The following BSN variants were observed in gnomAD, a reference collection of about 807,000 sequenced individuals.
BSN encodes the protein protein bassoon.
BSN carries 57 observed loss-of-function variants against 264.8 expected under a neutral mutation model. The ratio of observed to expected loss-of-function variants is 0.22; its 90% CI spans 0.17 to 0.27. The LOEUF is 0.27. BSN is among the 10% of genes least tolerant of loss of function. The pLI, the probability that BSN is intolerant of heterozygous loss-of-function variation, is 1.00. For missense variants in BSN, 4,615 were observed against 5,232.5 expected (o/e 0.88, Z 3.64); for synonymous variants, 2,059 against 2,137.3 (o/e 0.96, Z 1.01).
intron 1 of BSN, among the ~76,000 whole-genome samples, chr3:49,568,536 T>A (rs2051772007): frequency 6.6e-6 from 1 of 152,246 alleles, no homozygotes; most frequent in African/African-American, 2.4e-5. Flanking sequence ...TGTTTACCTT[T>A]CTTTTTTATG....
intron 2 of BSN, among the ~76,000 whole-genome samples, chr3:49,637,306 C>T (rs1033244678): frequency 1.3e-5 from 2 of 152,148 alleles, no homozygotes; most frequent in African/African-American, 4.8e-5. Context: ...TCAGAGCTTC[C>T]TGACAGCCAT....
chr3:49,583,983 C>T (rs746871014), intron 1 of BSN, among the ~76,000 whole-genome samples: 11 of 152,172 alleles, frequency 7.2e-5, no homozygotes, highest in Non-Finnish European at 1.5e-4. Flanking sequence ...ACTCCATTCT[C>T]CTGCCTCAGC....
chr3:49,613,466 CCTGTT>C (rs2052228488), intron 1 of BSN, among the ~76,000 whole-genome samples: 1 of 151,468 alleles, frequency 6.6e-6, no homozygotes, highest in Non-Finnish European at 1.5e-5. Flanking sequence ...ATCCAGCCAA[CCTGTT>C]GTTCAAGTTT....
In BSN at chr3:49,653,157, C is replaced by A; in HGVS notation, c.3601C>A (p.Gln1201Lys). 4 of 1,612,630 alleles carry A rather than the reference C, an allele frequency of 2.5e-6. No homozygotes were observed. The highest frequency in any genetic ancestry group is 3.4e-6 in the Non-Finnish European group (4 of 1,179,784). Residue 1201 changes from glutamine to lysine, a missense_variant, in exon 5 of 12, where the codon CAG becomes AAG. By Grantham distance (53) the Gln-to-Lys change is moderately conservative (BLOSUM62 1). Coordinates refer to ENST00000296452, the MANE Select transcript of BSN (RefSeq NM_003458.4). This position sits in a 1 kb window ranked among gnomAD's most constrained non-coding sequence, Gnocchi z 6.3. The part of the protein sequence containing the change: ...MMRKAELLQR[Q>K]QGQAAGARGP... ...GCGCAAAGCTGAGCTGCTCCAGAGGCAGCAAGGCCAGGCAGCAGGGGCCCG... is the reference window on the plus strand; with the variant it reads ...GCGCAAAGCTGAGCTGCTCCAGAGGAAGCAAGGCCAGGCAGCAGGGGCCCG...
At chr3:49,560,198 T>G (rs1171590471) in intron 1 of BSN, among the ~76,000 whole-genome samples, 4 of 152,162 alleles carry the variant, frequency 2.6e-5, no homozygotes, top group African/African-American at 9.7e-5. Context: ...AGGTCCTGCA[T>G]TTCTGAATTG....
intron 1 of BSN, among the ~76,000 whole-genome samples, chr3:49,613,343 A>G (rs1392388995): frequency 4.0e-5 from 6 of 149,874 alleles, no homozygotes; most frequent in Non-Finnish European, 8.9e-5. Flanking sequence ...AGAGAGAGAG[A>G]GAGAGAAGGG....
chr3:49,605,596 A>T (rs2052121337), intron 1 of BSN, among the ~76,000 whole-genome samples: 1 of 26,544 alleles, frequency 3.8e-5, no homozygotes, highest in African/African-American at 1.6e-4. Flanking sequence ...ATTTATATAT[A>T]ATATATATTA....
chr3:49,658,136 C>T lies in BSN; in HGVS notation c.8580C>T (p.Ala2860=), dbSNP rs747505287. ...LSDPKPLSPT[A]EESAKERFSL... Reference sequence around the variant, plus strand: ...ACCCTAAGCCCCTCAGCCCCACCGCCGAAGAGTCTGCCAAAGAGAGATTCT... The same window carrying T: ...ACCCTAAGCCCCTCAGCCCCACCGCTGAAGAGTCTGCCAAAGAGAGATTCT... Residue 2860 remains alanine (A), a synonymous_variant, in exon 5 of 12, where the codon GCC becomes GCT. Coordinates refer to ENST00000296452, the MANE Select transcript of BSN (RefSeq NM_003458.4). 42 of 1,606,472 alleles carry T rather than the reference C, an allele frequency of 2.6e-5. No homozygotes were observed. The highest frequency in any genetic ancestry group is 6.7e-5 in the Admixed American group (4 of 59,282).
chr3:49,593,876 C>T (rs1214062913), intron 1 of BSN, among the ~76,000 whole-genome samples: 1 of 145,456 alleles, frequency 6.9e-6, no homozygotes, highest in African/African-American at 2.5e-5. Context: ...GATCTTGGCT[C>T]ACTGCAAACT....
intron 1 of BSN, among the ~76,000 whole-genome samples, chr3:49,563,942 G>A (rs1159272744): frequency 1.3e-5 from 2 of 152,090 alleles, no homozygotes. Context: ...CTCCAGCACC[G>A]CTGACTTATT....
chr3:49,566,438 G>A (rs1157734959), intron 1 of BSN, among the ~76,000 whole-genome samples: 3 of 151,990 alleles, frequency 2.0e-5, no homozygotes, highest in Non-Finnish European at 4.4e-5. Flanking sequence ...ACTTCCTATT[G>A]TATCCCAGAA....
At chr3:49,606,332 TA>T (rs2052152054) in intron 1 of BSN, among the ~76,000 whole-genome samples, 5 of 121,792 alleles carry the variant, frequency 4.1e-5, no homozygotes, top group African/African-American at 1.6e-4. Context: ...AAAATATATA[TA>T]TATTTTTGGC....
rs879118119 is a variant in BSN at position 49,671,153 on chromosome 3, CGTGCGT to C, written c.*3672_*3677del. 188 of 51,626 alleles carry C rather than the reference CGTGCGT, an allele frequency of 3.6e-3. No individual in the cohort carries two copies. In the South Asian group the frequency reaches 0.04, roughly 11 times the overall value. The allele number at this position is 51,626 out of a possible 1,614,324, so 3.2% of individuals were successfully genotyped here. A position where few individuals can be genotyped will look rare whatever the true frequency, so the allele number is the denominator to read the frequency against. ...GATCATGTGTGTATGTGCGTGCGTGCGTGCGTGTGTGTGTGTGTGTGTGTTTCTGCC... is the reference window on the plus strand; with the variant it reads ...GATCATGTGTGTATGTGCGTGCGTGCGTGTGTGTGTGTGTGTGTTTCTGCC... On this transcript the variant is annotated 3_prime_UTR_variant, in exon 12 of 12. Transcript: ENST00000296452. The surrounding 1 kb of genome is among the most constrained non-coding windows in gnomAD (Gnocchi z 4.1).
In BSN at chr3:49,663,799, C is replaced by G; in HGVS notation, c.11521C>G (p.Gln3841Glu). The G allele has an allele frequency of 6.2e-7, 1 of 1,614,164 alleles. No homozygotes were observed. Among genetic ancestry groups the G allele is most frequent in the Non-Finnish European group, 8.5e-7 (1 of 1,180,024 alleles). Reference sequence around the variant, plus strand: ...TTCTGTGTTGCAGCCACGGGCAGAACAGACAAATGGCTCTAAAGGGACAGC... The same window carrying G: ...TTCTGTGTTGCAGCCACGGGCAGAAGAGACAAATGGCTCTAAAGGGACAGC... The part of the protein sequence containing the change: ...PQPAGPPRAE[Q>E]TNGSKGTAKA... The change falls in exon 8 of 12, where the codon CAG becomes GAG. Residue 3841 changes from glutamine (Q) to glutamate (E), a missense_variant. Coordinates refer to ENST00000296452, the MANE Select transcript of BSN (RefSeq NM_003458.4).
At chr3:49,604,682 C>T (rs762531671) in intron 1 of BSN, among the ~76,000 whole-genome samples, 2 of 152,116 alleles carry the variant, frequency 1.3e-5, no homozygotes, top group South Asian at 2.1e-4. Flanking sequence ...AGTACTGCAA[C>T]AGCCTGGTGG....
chr3:49,661,750 G>T lies in BSN; in HGVS notation c.9905G>T (p.Gly3302Val). The change falls in exon 6 of 12, where the codon GGT becomes GTT. Residue 3302 changes from glycine (G) to valine (V), a missense_variant. Transcript: ENST00000296452. Reference protein sequence around the residue: ...EEDSYDPRGKGGHLRSMESNG... With the variant: ...EEDSYDPRGKVGHLRSMESNG... Reference sequence around the variant, plus strand: ...GACTCATACGATCCCCGCGGGAAGGGTGGCCACCTCCGGAGCATGGAGAGC... The same window carrying T: ...GACTCATACGATCCCCGCGGGAAGGTTGGCCACCTCCGGAGCATGGAGAGC... 1.9e-6 allele frequency: 3 copies of T among 1,613,436 alleles called. No individual in the cohort carries two copies. The highest frequency in any genetic ancestry group is 2.5e-6 in the Non-Finnish European group (3 of 1,180,038).
Position 49,661,262 on chromosome 3 carries a change from T to C in BSN, c.9417T>C (p.Arg3139=), listed in dbSNP as rs149210839. 730 of 1,613,718 alleles carry C rather than the reference T, an allele frequency of 4.5e-4. 3 individuals carry two copies. In the African/African-American group the frequency reaches 9.0e-3, roughly 20 times the overall value. ...STLFPVPADS[R]APLQKPRQTS... ...TTTTTCCAGTCCCCGCTGATAGCCGTGCCCCACTGCAGAAGCCACGCCAGA... is the reference window on the plus strand; with the variant it reads ...TTTTTCCAGTCCCCGCTGATAGCCGCGCCCCACTGCAGAAGCCACGCCAGA... Residue 3139 remains arginine (R), a synonymous_variant, in exon 6 of 12, where the codon CGT becomes CGC. Transcript: ENST00000296452.
At chr3:49,636,488 C>A (rs1367074126) in intron 2 of BSN, among the ~76,000 whole-genome samples, 2 of 152,046 alleles carry the variant, frequency 1.3e-5, no homozygotes, top group Non-Finnish European at 2.9e-5. Flanking sequence ...CTGTCCAGAG[C>A]AGTGTGGGAG....
At chr3:49,658,570 A>G (rs183605509) in intron 5 of BSN, among the ~76,000 whole-genome samples, 3 of 151,908 alleles carry the variant, frequency 2.0e-5, no homozygotes, top group Admixed American at 6.6e-5. Flanking sequence ...AACTTAATCT[A>G]TGGGTGTTTC....
Sources: gnomAD v4.1 joint callset for allele counts (sites outside exome capture counted in the v4.1 genomes callset) on GRCh38, gnomAD v4.1.1 for gene constraint, Gnocchi (gnomAD v3.1) non-coding constraint, MANE v1.5 for transcripts, NCBI Gene and HGNC (gene_info 2026-07-23, HGNC 2026-07-21) for gene names.